PACSIN2: variants seen among roughly 807,000 people sequenced by gnomAD.
PACSIN2 encodes the protein protein kinase C and casein kinase substrate in neurons protein 2.
In PACSIN2, 25 loss-of-function variants were observed where a neutral mutation model predicts 63.8. That is an observed-to-expected ratio of 0.39 (90% CI 0.29 to 0.55). The LOEUF is 0.55. Ranked by LOEUF, PACSIN2 falls within the 20% of genes least tolerant of loss-of-function variation. The pLI, the probability that PACSIN2 is intolerant of heterozygous loss-of-function variation, is 0.62. For synonymous variants in PACSIN2, 255 were observed against 256.2 expected, an observed-to-expected ratio of 1.00 and a Z score of 0.05; for missense variants, 518 against 646.9, an observed-to-expected ratio of 0.80 and a Z score of 2.16.
At position 42,873,333 on chromosome 22, in the gene PACSIN2, T is replaced by C. The variant is rs554701332; in HGVS notation, c.1349-1864A>G. Reference sequence around the variant, plus strand: ...CGGGGGTAACAACCCCAACCAAAGATATCAGAAACTGGATGAAGATGGCTT... The same window carrying C: ...CGGGGGTAACAACCCCAACCAAAGACATCAGAAACTGGATGAAGATGGCTT... On this transcript the variant is annotated intron_variant, in intron 10 of 10. Transcript: ENST00000263246. Among the ~76,000 whole-genome samples, 4 of 152,062 alleles carry C rather than the reference T, an allele frequency of 2.6e-5. No individual in the cohort carries two copies. In the East Asian group the frequency reaches 7.7e-4, roughly 29 times the overall value.
chr22:42,898,404 TG>T (rs1470934356), intron 2 of PACSIN2, among the ~76,000 whole-genome samples: 4 of 152,108 alleles, frequency 2.6e-5, no homozygotes, highest in Admixed American at 2.6e-4. Flanking sequence ...CACGAGTAGC[TG>T]GGATTACAGA....
In PACSIN2 at chr22:42,888,793, T is replaced by C; in HGVS notation, c.459A>G (p.Glu153=). 1.2e-6 allele frequency: 2 copies of C among 1,614,182 alleles called. No homozygotes were observed. Among genetic ancestry groups the C allele is most frequent in the South Asian group, 1.1e-5 (1 of 91,084 alleles). The change falls in exon 5 of 11, where the codon GAA becomes GAG. Residue 153 remains glutamate, a synonymous_variant. Coordinates refer to ENST00000263246, the MANE Select transcript of PACSIN2 (RefSeq NM_001184970.3). Reference sequence around the variant, plus strand: ...CTGCATGGTGGGCTTTCTTTGCTGCTTCTACCTACAGGGAGAATGAGTTCC... The same window carrying C: ...CTGCATGGTGGGCTTTCTTTGCTGCCTCTACCTACAGGGAGAATGAGTTCC... ...KPWAKKLKEV[E]AAKKAHHAAC... is the part of the protein sequence containing the mutation.
At chr22:42,923,692 G>GA (rs1932351233) in intron 1 of PACSIN2, among the ~76,000 whole-genome samples, 1 of 152,156 alleles carries the variant, frequency 6.6e-6, no homozygotes. Flanking sequence ...CTCCCAAAGT[G>GA]CTGGCATTAC....
intron 3 of PACSIN2, among the ~76,000 whole-genome samples, chr22:42,891,557 C>T (rs748240760): frequency 2.0e-4 from 31 of 152,074 alleles, no homozygotes; most frequent in Non-Finnish European, 3.7e-4. Context: ...CCCGCCACCA[C>T]GCCTGGCTAA....
At chr22:42,989,121 C>G (rs193074087) in intron 1 of PACSIN2, among the ~76,000 whole-genome samples, 1 of 152,316 alleles carries the variant, frequency 6.6e-6, no homozygotes, top group East Asian at 1.9e-4. Flanking sequence ...TCACGAAATC[C>G]TCCTGCCTTG....
At chr22:42,963,914 A>ATC (rs1470283443) in intron 1 of PACSIN2, among the ~76,000 whole-genome samples, 2 of 127,380 alleles carry the variant, frequency 1.6e-5, no homozygotes, top group Non-Finnish European at 3.3e-5. Context: ...AAAAAAAAAC[A>ATC]GCTTTATTGA....
intron 1 of PACSIN2, among the ~76,000 whole-genome samples, chr22:42,981,374 C>A (rs1461446332): frequency 7.0e-6 from 1 of 141,952 alleles, no homozygotes. Flanking sequence ...GCCCCCCGCC[C>A]GACCAGCCGC....
Position 42,912,113 on chromosome 22 carries a change from CT to C in PACSIN2, c.-34del. On this transcript the variant is annotated 5_prime_UTR_variant, in exon 2 of 11. Coordinates refer to ENST00000263246, the MANE Select transcript of PACSIN2 (RefSeq NM_001184970.3). Reference sequence around the variant, plus strand: ...AAGGCTGAGGGAGCAGCAAAGTATACTTAGTCAGGGGTCAACTTCGAACGCT... The same window carrying C: ...AAGGCTGAGGGAGCAGCAAAGTATACTAGTCAGGGGTCAACTTCGAACGCT... 1 of 1,530,408 alleles carries C rather than the reference CT, an allele frequency of 6.5e-7. No individual in the cohort carries two copies. Among genetic ancestry groups the C allele is most frequent in the Non-Finnish European group, 8.9e-7 (1 of 1,124,080 alleles). 94.8% of individuals were successfully genotyped at this position (1,530,408 alleles called of 1,614,324 possible).
rs551026562 is a variant in PACSIN2, at chr22:42,921,949, G to T, written c.-77-9792C>A. Among the ~76,000 whole-genome samples, 36 of 152,224 alleles carry T rather than the reference G, an allele frequency of 2.4e-4. 1 individual carries two copies. In the South Asian group the frequency reaches 6.6e-3, roughly 28 times the overall value. ...AGACGGGGTTTCGCCATGTTGGCCA[G>T]GCTGGTCTCGAACTCCTGAACTCAG... On this transcript the variant is annotated intron_variant, in intron 1 of 10. Transcript: ENST00000263246.
At chr22:42,969,821 G>C (rs1451061811) in intron 1 of PACSIN2, among the ~76,000 whole-genome samples, 1 of 151,628 alleles carries the variant, frequency 6.6e-6, no homozygotes, top group East Asian at 1.9e-4. Context: ...TGTGGTCCCA[G>C]CTACTCAGGA....
At chr22:42,903,750 C>T (rs981580280) in intron 2 of PACSIN2, among the ~76,000 whole-genome samples, 1 of 152,162 alleles carries the variant, frequency 6.6e-6, no homozygotes, top group African/African-American at 2.4e-5. Flanking sequence ...TTCAGAATCG[C>T]CTTGAGTCTG....
intron 1 of PACSIN2, among the ~76,000 whole-genome samples, chr22:42,955,470 CA>C (rs762192138): frequency 9.4e-5 from 14 of 148,816 alleles, no homozygotes; most frequent in South Asian, 2.1e-4. Context: ...GAGATAGCAT[CA>C]GGGGGAAAAA....
At position 42,922,530 on chromosome 22, in the gene PACSIN2, G is replaced by A. The variant is rs963789694; in HGVS notation, c.-77-10373C>T. Among the ~76,000 whole-genome samples, 4 of 152,216 alleles carry A rather than the reference G, an allele frequency of 2.6e-5. No homozygotes were observed. In the East Asian group the frequency reaches 7.7e-4, roughly 29 times the overall value. The stretch of plus-strand genomic sequence containing the variant: ...AGAGGTGGACATCCTCGCTGCCACG[G>A]CCCGAGCACACCTGGCTGGCTGGGT... On this transcript the variant is annotated intron_variant, in intron 1 of 10. Coordinates refer to ENST00000263246, the MANE Select transcript of PACSIN2 (RefSeq NM_001184970.3).
chr22:42,990,159 A>T (rs184122363), intron 1 of PACSIN2, among the ~76,000 whole-genome samples: 1 of 151,664 alleles, frequency 6.6e-6, no homozygotes, highest in Non-Finnish European at 1.5e-5. Context: ...AAAAAGAATG[A>T]TTTTTAAACA....
At chr22:42,989,517 C>T (rs1299315102) in intron 1 of PACSIN2, among the ~76,000 whole-genome samples, 2 of 149,816 alleles carry the variant, frequency 1.3e-5, no homozygotes, top group South Asian at 4.2e-4. Flanking sequence ...AAAAAAAAGG[C>T]CAGGTGTGGT....
chr22:42,883,642 G>A (rs138716237), intron 6 of PACSIN2, among the ~76,000 whole-genome samples: 2 of 152,208 alleles, frequency 1.3e-5, no homozygotes, highest in African/African-American at 4.8e-5. Context: ...ATCACAAAGG[G>A]CCTCAAAGAA....
intron 1 of PACSIN2, among the ~76,000 whole-genome samples, chr22:42,919,814 AAG>A: frequency 6.8e-6 from 1 of 146,208 alleles, no homozygotes; most frequent in South Asian, 2.2e-4. Context: ...AAGAAAGAAA[AAG>A]AAAAAGAAAC....
chr22:42,941,642 T>C (rs1933163540), intron 1 of PACSIN2, among the ~76,000 whole-genome samples: 1 of 152,262 alleles, frequency 6.6e-6, no homozygotes, highest in South Asian at 2.1e-4. Flanking sequence ...TAATGACTAG[T>C]GATATTGGGT....
At chr22:42,957,160 A>C (rs1186953658) in intron 1 of PACSIN2, among the ~76,000 whole-genome samples, 1 of 152,214 alleles carries the variant, frequency 6.6e-6, no homozygotes, top group Non-Finnish European at 1.5e-5. Context: ...GGAGACTGAC[A>C]GAAAGTGCCC....
Sources: gnomAD v4.1 joint callset for allele counts (sites outside exome capture counted in the v4.1 genomes callset) on GRCh38, gnomAD v4.1.1 for gene constraint, MANE v1.5 for transcripts, NCBI Gene and HGNC (gene_info 2026-07-23, HGNC 2026-07-21) for gene names.